DSCAM: variants seen among roughly 807,000 people sequenced by gnomAD.
DSCAM encodes DS cell adhesion molecule.
A neutral mutation model predicts 217.7 loss-of-function variants in DSCAM; 47 were observed. The observed-to-expected ratio is 0.22, with a 90% CI of 0.17 to 0.28. DSCAM has a LOEUF of 0.28. Among genes scored for constraint, DSCAM ranks in the 10% least tolerant of loss-of-function variants. DSCAM has a pLI of 1.00. For synonymous variants in DSCAM, 1,056 were observed against 1,015.3 expected, an observed-to-expected ratio of 1.04 and a Z score of -0.76; for missense variants, 2,080 against 2,618.3, an observed-to-expected ratio of 0.79 and a Z score of 4.49.
Position 40,617,416 on chromosome 21 carries a change from G to T in DSCAM, c.508+75394C>A, listed in dbSNP as rs542659489. Among the ~76,000 whole-genome samples, 4 of 152,182 alleles carry T rather than the reference G, an allele frequency of 2.6e-5. No homozygotes were observed. In the East Asian group the frequency reaches 7.8e-4, roughly 30 times the overall value. On this transcript the variant is annotated intron_variant, in intron 3 of 32. Transcript: ENST00000400454. ...TGGGATTACAGGCGTGAGCCACCGC[G>T]CCCGGCCCAGAATGAGTCTTGAGTA...
intron 1 of DSCAM, 135 bp from the exon 2 acceptor site, chr21:40,708,906 A>G: frequency 1.7e-6 from 1 of 593,928 alleles, no homozygotes; most frequent in Admixed American, 4.2e-5. Flanking sequence ...AAATAATTCA[A>G]ATTTTCTGAA....
chr21:40,485,542 C>A (rs2076021247), intron 3 of DSCAM, among the ~76,000 whole-genome samples: 1 of 151,726 alleles, frequency 6.6e-6, no homozygotes, highest in South Asian at 2.1e-4. Flanking sequence ...GCGCCCGGCC[C>A]ACACTGACTT....
intron 20 of DSCAM, among the ~76,000 whole-genome samples, chr21:40,095,914 T>C (rs1379075772): frequency 2.0e-5 from 3 of 152,168 alleles, no homozygotes; most frequent in South Asian, 4.1e-4. Flanking sequence ...GAAACTATAA[T>C]GCATGAAATA....
intron 3 of DSCAM, among the ~76,000 whole-genome samples, chr21:40,658,051 A>C (rs951613177): frequency 5.9e-5 from 9 of 152,212 alleles, no homozygotes; most frequent in African/African-American, 2.2e-4. Context: ...GTATTAATAG[A>C]GCTGAGAATT....
chr21:40,079,090 A>G (rs774645712), intron 25 of DSCAM, 113 bp from the exon 26 acceptor site: 11 of 1,261,930 alleles, frequency 8.7e-6, no homozygotes, highest in South Asian at 1.5e-5. Flanking sequence ...GCTCAGTCCA[A>G]GTCTGGCTCA....
chr21:40,309,686 T>G (rs1231933985), intron 9 of DSCAM, among the ~76,000 whole-genome samples: 1 of 152,220 alleles, frequency 6.6e-6, no homozygotes, highest in South Asian at 2.1e-4. Flanking sequence ...CTAAAGGTTC[T>G]TCTTTATCTC....
At chr21:40,359,249 T>C (rs1287897347) in intron 4 of DSCAM, among the ~76,000 whole-genome samples, 5 of 152,220 alleles carry the variant, frequency 3.3e-5, no homozygotes, top group African/African-American at 7.2e-5. Flanking sequence ...AGCCTTCACA[T>C]CCACATCACA....
At chr21:40,830,576 G>C (rs576238970) in intron 1 of DSCAM, among the ~76,000 whole-genome samples, 1 of 152,196 alleles carries the variant, frequency 6.6e-6, no homozygotes, top group Admixed American at 6.5e-5. Context: ...AGGAGTTCTG[G>C]AATTAGACTG....
chr21:40,460,291 C>A (rs1033342), intron 3 of DSCAM, among the ~76,000 whole-genome samples: 32,857 of 151,738 alleles, frequency 0.22, 4,551 homozygotes, highest in African/African-American at 0.38. Flanking sequence ...AATAGAATAT[C>A]ATTAAATGTT....
At chr21:40,081,783 C>T (rs896724807) in intron 24 of DSCAM, among the ~76,000 whole-genome samples, 3 of 152,192 alleles carry the variant, frequency 2.0e-5, no homozygotes, top group African/African-American at 7.2e-5. Context: ...TACGACACCT[C>T]CTGATGATGG....
chr21:40,346,498 T>G (rs1394648815), intron 6 of DSCAM, among the ~76,000 whole-genome samples: 1 of 151,108 alleles, frequency 6.6e-6, no homozygotes, highest in Non-Finnish European at 1.5e-5. Flanking sequence ...TTTTATTATT[T>G]TAATCAATTG....
Position 40,144,787 on chromosome 21 carries a change from A to G in DSCAM, c.3019-56T>C. The G allele has an allele frequency of 6.2e-7, 1 of 1,605,326 alleles. No homozygotes were observed. Among genetic ancestry groups the G allele is most frequent in the Non-Finnish European group, 8.5e-7 (1 of 1,176,008 alleles). ...AAGTCTTGAGGTAGGACAAGAGCGA[A>G]ATCAACGCCCACACCCACGTAGGAA... On this transcript the variant is annotated intron_variant, in intron 16 of 32. Coordinates refer to ENST00000400454, the MANE Select transcript of DSCAM (RefSeq NM_001389.5). This position sits in a 1 kb window ranked among gnomAD's most constrained non-coding sequence, Gnocchi z 4.8.
At chr21:40,175,811 A>ACACACACACACACACACG (rs2090722004) in intron 15 of DSCAM, among the ~76,000 whole-genome samples, 1 of 127,476 alleles carries the variant, frequency 7.8e-6, no homozygotes, top group African/African-American at 2.9e-5. Flanking sequence ...ACACACACGC[A>ACACACACACACACACACG]CACACACACA....
chr21:40,637,755 C>G (rs1488610229), intron 3 of DSCAM, among the ~76,000 whole-genome samples: 1 of 147,374 alleles, frequency 6.8e-6, no homozygotes, highest in Non-Finnish European at 1.5e-5. Flanking sequence ...TCACTGCAAC[C>G]TTTGTCTCCC....
intron 18 of DSCAM, among the ~76,000 whole-genome samples, chr21:40,136,263 A>G (rs759870686): frequency 4.6e-5 from 7 of 152,224 alleles, no homozygotes; most frequent in African/African-American, 7.2e-5. Flanking sequence ...GTCTTTCCAT[A>G]TTCAATTATA....
At chr21:40,428,128 C>A (rs892720758) in intron 3 of DSCAM, among the ~76,000 whole-genome samples, 1 of 152,140 alleles carries the variant, frequency 6.6e-6, no homozygotes, top group South Asian at 2.1e-4. Context: ...TGTTCAACAC[C>A]AAAGCTCATC....
intron 15 of DSCAM, among the ~76,000 whole-genome samples, chr21:40,167,833 G>A (rs936935200): frequency 2.5e-4 from 38 of 152,164 alleles, no homozygotes; most frequent in African/African-American, 8.7e-4. Context: ...CTGGGAGGCC[G>A]ACGCGGGCAA....
At chr21:40,162,621 G>A (rs963509300) in intron 16 of DSCAM, among the ~76,000 whole-genome samples, 2 of 152,228 alleles carry the variant, frequency 1.3e-5, no homozygotes, top group African/African-American at 4.8e-5. Flanking sequence ...TAGTGGAGAT[G>A]TGATATTCTG....
At chr21:40,611,692 T>C (rs35243090) in intron 3 of DSCAM, among the ~76,000 whole-genome samples, 31,663 of 152,204 alleles carry the variant, frequency 0.21, 3,466 homozygotes, top group East Asian at 0.31. Context: ...CATTAGTAAA[T>C]ATTTAGTAAG....
Sources: gnomAD v4.1 joint callset for allele counts (sites outside exome capture counted in the v4.1 genomes callset) on GRCh38, gnomAD v4.1.1 for gene constraint, Gnocchi (gnomAD v3.1) non-coding constraint, MANE v1.5 for transcripts, NCBI Gene and HGNC (gene_info 2026-07-23, HGNC 2026-07-21) for gene names.